Variants in CTBP2 observed in about 807,000 individuals in gnomAD.
The protein encoded by CTBP2 is C-terminal-binding protein 2.
CTBP2 carries 30 observed loss-of-function variants against 80.3 expected under a neutral mutation model. The ratio of observed to expected loss-of-function variants is 0.37; its 90% CI spans 0.28 to 0.51. The LOEUF (loss-of-function observed/expected upper bound fraction) is 0.51, where lower values mean the gene tolerates loss of function less well. CTBP2 is among the 20% of genes least tolerant of loss of function. The probability of loss-of-function intolerance (pLI) is 0.93; values close to 1 mark genes in which losing one functional copy is unlikely to be tolerated. For synonymous variants in CTBP2, 594 were observed against 587.4 expected (o/e 1.01, Z -0.16); for missense variants, 1,212 against 1,375.3 (o/e 0.88, Z 1.88).
In CTBP2 at chr10:125,108,982, G is replaced by A. The variant is rs111471914; in HGVS notation, c.-102+2008C>T. On this transcript the variant is annotated intron_variant, in intron 2 of 10. Coordinates refer to the CTBP2 transcript ENST00000337195. ...CAGGAAACATTTGTTAACAGGAAGC[G>A]TGTCACAATTTCATTCTGGTTCTGG... Among the ~76,000 whole-genome samples, 1,198 of 152,360 alleles carry A rather than the reference G, an allele frequency of 7.9e-3. 16 individuals carry two copies. Among genetic ancestry groups the A allele is most frequent in the African/African-American group, 0.027 (1,126 of 41,580 alleles).
intron 3 of CTBP2, among the ~76,000 whole-genome samples, chr10:125,033,431 CCAAT>C (rs1298688178): frequency 6.8e-6 from 1 of 146,352 alleles, no homozygotes; most frequent in Non-Finnish European, 1.5e-5. Flanking sequence ...GTGGTAGAAA[CCAAT>C]CAGAGAGGAG....
chr10:124,984,436 TTGAC>T lies in CTBP2; in HGVS notation c.*5078_*5081del, dbSNP rs1346270326. ...TTGTATAATTTCAGCTTGTACATAA[TTGAC>T]TAAGTAAACTTACCTTGTCATGTGT... On this transcript the variant is annotated 3_prime_UTR_variant, in exon 9 of 9. Transcript: ENST00000309035. 4 of 231,676 alleles carry T rather than the reference TTGAC, an allele frequency of 1.7e-5. No individual in the cohort carries two copies. The highest frequency in any genetic ancestry group is 9.4e-5 in the East Asian group (1 of 10,606). 14.4% of individuals were successfully genotyped at this position (231,676 alleles called of 1,614,324 possible).
intron 8 of CTBP2, 147 bp from the exon 11 acceptor site, chr10:124,989,845 T>G: frequency 1.4e-6 from 1 of 701,170 alleles, no homozygotes; most frequent in Non-Finnish European, 2.2e-6. Context: ...GCTCAAGTGA[T>G]CCCACCTCAG....
intron 1 of CTBP2, among the ~76,000 whole-genome samples, chr10:125,142,650 C>T (rs1858034598): frequency 6.6e-6 from 1 of 152,130 alleles, no homozygotes; most frequent in African/African-American, 2.4e-5. Flanking sequence ...AAAACTTGAT[C>T]CTTCTCAAAA....
At chr10:125,060,839 A>G (rs1409799385) in intron 2 of CTBP2, among the ~76,000 whole-genome samples, 2 of 152,222 alleles carry the variant, frequency 1.3e-5, no homozygotes, top group Non-Finnish European at 2.9e-5. Flanking sequence ...CGAGGCCAGG[A>G]CTGTGGACCG....
At chr10:125,045,847 G>T (rs144891339) in intron 2 of CTBP2, among the ~76,000 whole-genome samples, 2 of 152,066 alleles carry the variant, frequency 1.3e-5, no homozygotes, top group Admixed American at 6.5e-5. Flanking sequence ...TCAAAGAAAG[G>T]CTAGGGAGCT....
At chr10:125,160,830 C>G (rs944221203), upstream of CTBP2, 7 of 146,488 alleles carry the variant, frequency 4.8e-5, no homozygotes, top group African/African-American at 7.6e-5. Context: ...CGCTCACCCC[C>G]GAGAGGATGC....
chr10:125,003,681 C>A (rs1368641768), intron 1 of CTBP2, among the ~76,000 whole-genome samples, 189 bp from the exon 4 acceptor site: 1 of 152,200 alleles, frequency 6.6e-6, no homozygotes, highest in Non-Finnish European at 1.5e-5. Context: ...CACTTCCCAT[C>A]CACTTGCGGC....
At chr10:125,122,989 C>CT (rs1466852773) in intron 1 of CTBP2, 1 of 152,228 alleles carries the variant, frequency 6.6e-6, no homozygotes, top group Non-Finnish European at 1.5e-5. Context: ...GGCGGCAATG[C>CT]TGTAAGGTTC....
Position 125,027,213 on chromosome 10 carries a change from C to G in CTBP2, c.547G>C (p.Ala183Pro). 6.2e-7 allele frequency: 1 copy of G among 1,612,862 alleles called. No individual in the cohort carries two copies. Among genetic ancestry groups the G allele is most frequent in the Non-Finnish European group, 8.5e-7 (1 of 1,179,494 alleles). Residue 183 changes from alanine (A) to proline (P), a missense_variant, in exon 1 of 9, where the codon GCT (alanine) becomes CCT (proline). Around this residue, in one of 3 missense-constraint regions of CTBP2, gnomAD observed 848 missense variants for 782.3 expected, o/e 1.08. Transcript: ENST00000309035. ...CGTCCATACCGCCCGGGAGATGCAGCCCTGCTCTGTGTCTGCCGCCCCTGA... is the reference window on the plus strand; with the variant it reads ...CGTCCATACCGCCCGGGAGATGCAGGCCTGCTCTGTGTCTGCCGCCCCTGA...
chr10:125,035,293 T>C (rs1216051597), intron 3 of CTBP2, among the ~76,000 whole-genome samples: 1 of 152,176 alleles, frequency 6.6e-6, no homozygotes, highest in Non-Finnish European at 1.5e-5. Context: ...TCCTCTGTGG[T>C]CGTGAGAACA....
At chr10:125,087,633 T>C (rs1848191445) in intron 2 of CTBP2, among the ~76,000 whole-genome samples, 1 of 152,218 alleles carries the variant, frequency 6.6e-6, no homozygotes, top group South Asian at 2.1e-4. Context: ...TCTCGAGTCC[T>C]TCAGTTTGAC....
rs1952133487 is a variant in CTBP2 at position 124,988,310 on chromosome 10, A to T, written c.*1208T>A. 1 of 152,672 alleles carries T rather than the reference A, an allele frequency of 6.5e-6. No individual in the cohort carries two copies. The highest frequency in any genetic ancestry group is 1.5e-5 in the Non-Finnish European group (1 of 68,048). The allele number at this position is 152,672 out of a possible 1,614,324, so 9.5% of individuals were successfully genotyped here. A position where few individuals can be genotyped will look rare whatever the true frequency, so the allele number is the denominator to read the frequency against. On this transcript the variant is annotated 3_prime_UTR_variant, in exon 9 of 9. Coordinates refer to ENST00000309035, the MANE Select transcript of CTBP2 (RefSeq NM_022802.3). ...AGTAGAGAACATTTACATTAGTGAGATGTACTTGAATTTCAGAACTTAACA... is the reference window on the plus strand; with the variant it reads ...AGTAGAGAACATTTACATTAGTGAGTTGTACTTGAATTTCAGAACTTAACA...
At chr10:125,014,764 T>C (rs532553106) in intron 1 of CTBP2, among the ~76,000 whole-genome samples, 27 of 152,306 alleles carry the variant, frequency 1.8e-4, no homozygotes, top group Non-Finnish European at 3.8e-4. Context: ...GAGCTGAGTT[T>C]CACCCAGTTC....
intron 2 of CTBP2, among the ~76,000 whole-genome samples, chr10:125,053,234 G>C (rs894212102): frequency 6.6e-6 from 1 of 152,118 alleles, no homozygotes; most frequent in Non-Finnish European, 1.5e-5. Context: ...TTCATCTCTG[G>C]AGGGCCGGGG....
At chr10:124,993,786 C>A in intron 6 of CTBP2, 69 bp downstream of exon 8, 2 of 1,536,496 alleles carry the variant, frequency 1.3e-6, no homozygotes, top group Non-Finnish European at 1.7e-6. Flanking sequence ...GCCTCGAGTT[C>A]AAAGTGTGGG....
chr10:125,092,095 T>C (rs952620024), intron 2 of CTBP2, among the ~76,000 whole-genome samples: 2 of 152,056 alleles, frequency 1.3e-5, no homozygotes, highest in Admixed American at 6.5e-5. Flanking sequence ...ACTAAAATCT[T>C]GGTGCATTAG....
chr10:125,159,204 T>C (rs1432702869), intron 1 of CTBP2, among the ~76,000 whole-genome samples: 2 of 149,434 alleles, frequency 1.3e-5, no homozygotes, highest in East Asian at 4.0e-4. Context: ...CGGCTGTCCC[T>C]GCGCCGCACC....
intron 2 of CTBP2, among the ~76,000 whole-genome samples, chr10:125,098,780 C>CAGAG (rs1231307838): frequency 1.1e-3 from 52 of 48,756 alleles, no homozygotes; most frequent in Non-Finnish European, 2.0e-3. Flanking sequence ...GAGAGAGAGA[C>CAGAG]AGAGAGAGAG....
Sources: gnomAD v4.1 joint callset for allele counts (sites outside exome capture counted in the v4.1 genomes callset) on GRCh38, gnomAD v4.1.1 for gene constraint, gnomAD v4.1.1 regional missense constraint, MANE v1.5 for transcripts, NCBI Gene and HGNC (gene_info 2026-07-23, HGNC 2026-07-21) for gene names.